The following NRDC variants were observed in gnomAD, a reference collection of about 807,000 sequenced individuals.
NRDC encodes the protein nardilysin.
Under a neutral mutation model 147.1 loss-of-function variants are expected in NRDC, and 54 were observed. The ratio of observed to expected loss-of-function variants is 0.37; its 90% CI spans 0.29 to 0.46. The LOEUF (loss-of-function observed/expected upper bound fraction) is 0.46. NRDC is among the 20% of genes least tolerant of loss of function. NRDC has a pLI of 1.00. For missense variants in NRDC, 1,082 were observed against 1,370.6 expected, an observed-to-expected ratio of 0.79 and a Z score of 3.33; for synonymous variants, 440 against 482.1, an observed-to-expected ratio of 0.91 and a Z score of 1.14.
At position 51,800,692 on chromosome 1, in the gene NRDC, AAAAG is replaced by A. The variant is rs1234218100; in HGVS notation, c.2314-13_2314-10del. On this transcript the variant is annotated splice_polypyrimidine_tract_variant and intron_variant, in intron 20 of 30. Coordinates refer to ENST00000352171, the MANE Select transcript of NRDC (RefSeq NM_001101662.2). ...ATGAGCTGAAACAGTAGCTAAAAGA[AAAAG>A]AAGGAAGCATTTTAAGAAGCATGGA... 2 of 1,609,666 alleles carry A rather than the reference AAAAG, an allele frequency of 1.2e-6. No individual in the cohort carries two copies. Among genetic ancestry groups the A allele is most frequent in the Non-Finnish European group, 1.7e-6 (2 of 1,178,498 alleles).
intron 1 of NRDC, among the ~76,000 whole-genome samples, chr1:51,848,728 A>G (rs1314808442): frequency 6.6e-6 from 1 of 152,192 alleles, no homozygotes; most frequent in Non-Finnish European, 1.5e-5. Context: ...TAAAATGCAT[A>G]AATATACCTA....
At chr1:51,835,595 T>C (rs910765508) in intron 3 of NRDC, among the ~76,000 whole-genome samples, 13 of 151,506 alleles carry the variant, frequency 8.6e-5, no homozygotes, top group African/African-American at 3.2e-4. Context: ...GATTCCCAAG[T>C]AGCTGGGACT....
chr1:51,846,151 G>A (rs1160663471), intron 1 of NRDC, among the ~76,000 whole-genome samples: 2 of 151,298 alleles, frequency 1.3e-5, no homozygotes, highest in Non-Finnish European at 2.9e-5. Flanking sequence ...TCACTCTGAC[G>A]CCCAGGTTGG....
At chr1:51,796,161 A>G (rs1020867293) in intron 22 of NRDC, among the ~76,000 whole-genome samples, 2 of 151,948 alleles carry the variant, frequency 1.3e-5, no homozygotes, top group Non-Finnish European at 2.9e-5. Context: ...GATGACAGGC[A>G]TAAGCCACCA....
intron 1 of NRDC, among the ~76,000 whole-genome samples, chr1:51,844,820 AG>A (rs1681463623): frequency 1.8e-3 from 1 of 546 alleles, no homozygotes; most frequent in Non-Finnish European, 6.0e-3. Context: ...GGAGGAAAGA[AG>A]GAAGGAAGGA....
At chr1:51,814,485 C>T (rs776008070) in intron 13 of NRDC, 66 bp downstream of exon 13, 32 of 1,483,576 alleles carry the variant, frequency 2.2e-5, no homozygotes, top group African/African-American at 2.8e-5. Flanking sequence ...GCATGTCTAC[C>T]GGCAGCCTGA....
chr1:51,798,474 A>G (rs1019653038), intron 21 of NRDC, 63 bp from the exon 22 acceptor site: 3 of 1,393,112 alleles, frequency 2.2e-6, no homozygotes, highest in African/African-American at 2.9e-5. Flanking sequence ...CTTCAGAATA[A>G]AGAAATGTTT....
intron 17 of NRDC, among the ~76,000 whole-genome samples, chr1:51,807,955 G>A (rs1472099225): frequency 2.0e-5 from 3 of 151,878 alleles, no homozygotes; most frequent in Admixed American, 6.6e-5. Flanking sequence ...ACAGGCATGC[G>A]CCACCACGCC....
intron 17 of NRDC, among the ~76,000 whole-genome samples, chr1:51,809,017 AT>A (rs1679592087): frequency 1.3e-5 from 2 of 152,170 alleles, no homozygotes; most frequent in African/African-American, 4.8e-5. Context: ...CCCTAAGGAG[AT>A]TGGTATGAAA....
At chr1:51,859,329 A>C (rs1230607348) in intron 1 of NRDC, among the ~76,000 whole-genome samples, 1 of 152,242 alleles carries the variant, frequency 6.6e-6, no homozygotes, top group East Asian at 1.9e-4. Flanking sequence ...CTAAAATAGA[A>C]ATGGCTTCAA....
intron 3 of NRDC, 59 bp downstream of exon 3, chr1:51,836,072 C>A: frequency 7.9e-7 from 1 of 1,258,790 alleles, no homozygotes; most frequent in South Asian, 1.2e-5. Flanking sequence ...GATATCAATT[C>A]ATATAAGTTT....
chr1:51,875,027 G>A (rs955148186), intron 1 of NRDC, among the ~76,000 whole-genome samples: 4 of 152,160 alleles, frequency 2.6e-5, no homozygotes, highest in African/African-American at 9.7e-5. Context: ...GAAATACAAT[G>A]GAAGGAGGAA....
chr1:51,825,429 C>T, intron 5 of NRDC, 47 bp from the exon 6 acceptor site: 1 of 1,334,692 alleles, frequency 7.5e-7, no homozygotes, highest in African/African-American at 1.5e-5. Flanking sequence ...TCAGTATCTC[C>T]TTTATTATAT....
At chr1:51,815,679 G>C (rs1679938459) in intron 11 of NRDC, among the ~76,000 whole-genome samples, 1 of 150,652 alleles carries the variant, frequency 6.6e-6, no homozygotes, top group Non-Finnish European at 1.5e-5. Context: ...ACACGAAAGT[G>C]TCTTAAAAAT....
In NRDC at chr1:51,878,469, G is replaced by A. The variant is rs1365635414; in HGVS notation, c.147C>T (p.Ala49=). The change falls in exon 1 of 31, where the codon GCC becomes GCT. Residue 49 remains alanine (A), a synonymous_variant. Coordinates refer to ENST00000352171, the MANE Select transcript of NRDC (RefSeq NM_001101662.2). ...SAAARPFPIL[A]MPGRNKAKST... is the part of the protein sequence containing the mutation. ...ACTTCGCCTTGTTCCTTCCAGGCAT[G>A]GCCAGAATAGGAAAGGGTCTGGCAG... 24 of 1,613,824 alleles carry A rather than the reference G, an allele frequency of 1.5e-5. No individual in the cohort carries two copies. The highest frequency in any genetic ancestry group is 2.0e-5 in the Non-Finnish European group (24 of 1,180,022).
chr1:51,830,902 T>A (rs918484798), intron 4 of NRDC, among the ~76,000 whole-genome samples: 3 of 152,218 alleles, frequency 2.0e-5, no homozygotes, highest in Non-Finnish European at 2.9e-5. Context: ...TGCTAACCTA[T>A]TAAAAACAGG....
intron 5 of NRDC, among the ~76,000 whole-genome samples, chr1:51,826,004 C>G (rs1054735118): frequency 1.3e-5 from 2 of 152,196 alleles, no homozygotes; most frequent in Non-Finnish European, 2.9e-5. Flanking sequence ...CTCCCTTGCC[C>G]CTTCTGCTGT....
chr1:51,792,441 G>T lies in NRDC; in HGVS notation c.2776-17C>A, dbSNP rs756424078. ...GGTACCTGACTGAAAAGAGAAGGTT[G>T]TCAGGCCAACTGAATATCCAGTGGT... On this transcript the variant is annotated splice_polypyrimidine_tract_variant and intron_variant, in intron 24 of 30. Transcript: ENST00000352171. 1 of 1,613,552 alleles carries T rather than the reference G, an allele frequency of 6.2e-7. No homozygotes were observed. The highest frequency in any genetic ancestry group is 1.1e-5 in the South Asian group (1 of 91,072).
intron 17 of NRDC, among the ~76,000 whole-genome samples, chr1:51,807,772 A>G (rs1679535035): frequency 6.6e-6 from 1 of 151,766 alleles, no homozygotes; most frequent in Non-Finnish European, 1.5e-5. Flanking sequence ...ATGAAACTGA[A>G]GTGTCTAATA....
Sources: gnomAD v4.1 joint callset for allele counts (sites outside exome capture counted in the v4.1 genomes callset) on GRCh38, gnomAD v4.1.1 for gene constraint, MANE v1.5 for transcripts, NCBI Gene and HGNC (gene_info 2026-07-23, HGNC 2026-07-21) for gene names.